Variants in CLYBL observed in about 807,000 individuals in gnomAD.
CLYBL encodes the protein citramalyl-CoA lyase.
Under a neutral mutation model 38.9 loss-of-function variants are expected in CLYBL, and 31 were observed. That is an observed-to-expected ratio of 0.80 (90% CI 0.60 to 1.08). The LOEUF is 1.08. CLYBL is among the 50% of genes least tolerant of loss of function. CLYBL has a pLI of 0.00. For synonymous variants in CLYBL, 171 were observed against 158.6 expected (o/e 1.08, Z -0.59); for missense variants, 434 against 411.6 (o/e 1.05, Z -0.47).
intron 1 of CLYBL, among the ~76,000 whole-genome samples, chr13:99,719,437 A>G (rs528383032): frequency 3.1e-4 from 47 of 151,426 alleles, no homozygotes; most frequent in Non-Finnish European, 5.9e-4. Context: ...GGCGTGAGCC[A>G]CCATGTCCAG....
At chr13:99,749,282 G>A (rs948153644) in intron 1 of CLYBL, among the ~76,000 whole-genome samples, 2 of 152,178 alleles carry the variant, frequency 1.3e-5, no homozygotes, top group Admixed American at 1.3e-4. Flanking sequence ...GAGGCAGTAC[G>A]CTGCAGTGAG....
downstream of CLYBL, among the ~76,000 whole-genome samples, chr13:99,901,992 T>C (rs749833414): frequency 2.0e-5 from 3 of 152,210 alleles, no homozygotes; most frequent in Non-Finnish European, 4.4e-5. Context: ...CATTCAGCTT[T>C]TATGTAAGTC....
chr13:99,826,326 G>A (rs7989192), intron 2 of CLYBL, among the ~76,000 whole-genome samples: 2,308 of 152,294 alleles, frequency 0.015, 55 homozygotes, highest in African/African-American at 0.052. Flanking sequence ...TCAGAACCAT[G>A]ACATCAATGC....
intron 8 of CLYBL, among the ~76,000 whole-genome samples, chr13:99,903,424 G>GCA (rs896597018): frequency 2.4e-4 from 37 of 151,858 alleles, no homozygotes; most frequent in African/African-American, 8.7e-4. Context: ...ACTCGCACAC[G>GCA]CACACACACA....
chr13:99,716,104 T>A (rs1053609799), intron 1 of CLYBL, among the ~76,000 whole-genome samples: 9 of 151,520 alleles, frequency 5.9e-5, no homozygotes, highest in African/African-American at 9.7e-5. Context: ...TTTTCTCATC[T>A]GTTAATGAAG....
chr13:99,712,331 C>CT (rs766784946), intron 1 of CLYBL, among the ~76,000 whole-genome samples: 4,939 of 120,774 alleles, frequency 0.041, 211 homozygotes, highest in African/African-American at 0.071. Context: ...TAGCAATTGA[C>CT]TTTTTTTTTT....
chr13:99,708,130 T>G (rs1035009866), intron 1 of CLYBL, among the ~76,000 whole-genome samples: 4 of 152,042 alleles, frequency 2.6e-5, no homozygotes, highest in Non-Finnish European at 4.4e-5. Flanking sequence ...AGGTGCCCAC[T>G]ACCACACCCG....
chr13:99,700,036 A>G (rs995349127), intron 1 of CLYBL, among the ~76,000 whole-genome samples: 1 of 152,040 alleles, frequency 6.6e-6, no homozygotes, highest in African/African-American at 2.4e-5. Flanking sequence ...TAAATAAATA[A>G]ACCTAATGTT....
At chr13:99,720,727 T>C (rs1443861631) in intron 1 of CLYBL, among the ~76,000 whole-genome samples, 1 of 152,232 alleles carries the variant, frequency 6.6e-6, no homozygotes, top group African/African-American at 2.4e-5. Flanking sequence ...CATTCTGCTG[T>C]GAAGAAAAAT....
chr13:99,606,796 C>T, intron 1 of CLYBL, 39 bp downstream of exon 1: 2 of 1,360,728 alleles, frequency 1.5e-6, no homozygotes, highest in Admixed American at 3.6e-5. Flanking sequence ...CCCGGCCCGG[C>T]TCGCCGCGGG....
At chr13:99,781,881 T>G (rs2049663204) in intron 2 of CLYBL, among the ~76,000 whole-genome samples, 1 of 152,246 alleles carries the variant, frequency 6.6e-6, no homozygotes, top group Non-Finnish European at 1.5e-5. Flanking sequence ...TAAGCACGCT[T>G]AACAATGCCT....
At chr13:99,662,719 A>G (rs1375865616) in intron 1 of CLYBL, among the ~76,000 whole-genome samples, 1 of 152,170 alleles carries the variant, frequency 6.6e-6, no homozygotes, top group Non-Finnish European at 1.5e-5. Context: ...AGTGTGGCAT[A>G]TTTGTAAAAT....
intron 2 of CLYBL, among the ~76,000 whole-genome samples, chr13:99,788,363 A>C (rs1272520932): frequency 6.6e-6 from 1 of 152,226 alleles, no homozygotes; most frequent in Non-Finnish European, 1.5e-5. Flanking sequence ...TATTATTTTG[A>C]GATACATCCC....
chr13:99,610,760 C>T (rs1363320722), intron 1 of CLYBL, among the ~76,000 whole-genome samples: 1 of 152,182 alleles, frequency 6.6e-6, no homozygotes, highest in South Asian at 2.1e-4. Context: ...CCTAGAGTCT[C>T]AGGAACATGT....
intron 2 of CLYBL, among the ~76,000 whole-genome samples, chr13:99,829,647 A>T (rs1378557030): frequency 6.6e-6 from 1 of 152,192 alleles, no homozygotes; most frequent in Non-Finnish European, 1.5e-5. Flanking sequence ...TTTGACTCAA[A>T]TGATGACATT....
intron 2 of CLYBL, among the ~76,000 whole-genome samples, chr13:99,790,561 T>G (rs1350755601): frequency 2.0e-5 from 3 of 152,232 alleles, no homozygotes; most frequent in Non-Finnish European, 4.4e-5. Flanking sequence ...GAGTTACTGC[T>G]GAGAGATCCA....
At chr13:99,775,715 C>T (rs1010982331) in intron 2 of CLYBL, among the ~76,000 whole-genome samples, 2 of 152,046 alleles carry the variant, frequency 1.3e-5, no homozygotes, top group African/African-American at 4.8e-5. Flanking sequence ...TGCTGTGTTG[C>T]CCAGGCTGTT....
chr13:99,851,367 C>CA (rs35539387), intron 2 of CLYBL, among the ~76,000 whole-genome samples: 928 of 62,512 alleles, frequency 0.015, 2 homozygotes, highest in East Asian at 0.022. Flanking sequence ...AAGTCCACCT[C>CA]AAAAAAAAAA....
chr13:99,812,859 G>A (rs1200969345), intron 2 of CLYBL, among the ~76,000 whole-genome samples: 1 of 152,132 alleles, frequency 6.6e-6, no homozygotes, highest in Non-Finnish European at 1.5e-5. Flanking sequence ...GCCAAGGGGG[G>A]GCCCTGTCAT....
Sources: allele counts gnomAD v4.1 joint callset (sites outside exome capture counted in the v4.1 genomes callset), GRCh38; gene constraint gnomAD v4.1.1; transcripts MANE v1.5; gene names NCBI Gene and HGNC (gene_info 2026-07-23, HGNC 2026-07-21).